The following NUF2 variants were observed in gnomAD, a reference collection of about 807,000 sequenced individuals.
NUF2 encodes the protein NUF2 component of NDC80 kinetochore complex.
In NUF2, 34 loss-of-function variants were observed where a neutral mutation model predicts 61.8. The ratio of observed to expected loss-of-function variants is 0.55; its 90% CI spans 0.42 to 0.73. NUF2 has a LOEUF of 0.73. Ranked by LOEUF, NUF2 falls within the 30% of genes least tolerant of loss-of-function variation. NUF2 has a pLI of 0.00. For missense variants in NUF2, 445 were observed against 539.1 expected (o/e 0.83, Z 1.73); for synonymous variants, 172 against 181.6 (o/e 0.95, Z 0.42).
intron 9 of NUF2, 51 bp downstream of exon 9, chr1:163,340,477 G>T (rs1282345432): frequency 7.4e-7 from 1 of 1,356,508 alleles, no homozygotes; most frequent in Admixed American, 1.8e-5. Flanking sequence ...ATATTGTGTG[G>T]AGGAGTATTT....
chr1:163,333,400 A>C (rs952957781), intron 5 of NUF2, among the ~76,000 whole-genome samples: 1 of 152,048 alleles, frequency 6.6e-6, no homozygotes, highest in African/African-American at 2.4e-5. Context: ...GACCATTTAC[A>C]TTTAATGTTA....
chr1:163,348,439 C>T (rs1651205529), intron 12 of NUF2, among the ~76,000 whole-genome samples: 1 of 152,240 alleles, frequency 6.6e-6, no homozygotes, highest in African/African-American at 2.4e-5. Flanking sequence ...TTTTAAAATA[C>T]CTGCCCCAGA....
intron 4 of NUF2, 86 bp from the exon 5 acceptor site, chr1:163,328,760 T>C: frequency 1.2e-6 from 1 of 849,494 alleles, no homozygotes; most frequent in East Asian, 2.5e-5. Flanking sequence ...GAAATCTCTT[T>C]CTGAAAATAA....
rs756971002 is a variant in NUF2 at position 163,340,400 on chromosome 1, A to G, written c.643A>G (p.Asn215Asp). 1.9e-6 allele frequency: 3 copies of G among 1,611,560 alleles called. No individual in the cohort carries two copies. Among genetic ancestry groups the G allele is most frequent in the South Asian group, 1.1e-5 (1 of 90,640 alleles). ...LQEGNSQKKS[N>D]ISEKTKRLNE... ...AGAGGGAAATTCCCAAAAGAAGTCA[A>G]ATATTTCAGAGAAAACCAAGCGTTT... The change falls in exon 9 of 14, where the codon AAT (asparagine) becomes GAT (aspartate). Residue 215 changes from asparagine to aspartate, a missense_variant. Asn to Asp is a conservative substitution (Grantham distance 23). Coordinates refer to ENST00000271452, the MANE Select transcript of NUF2 (RefSeq NM_145697.3).
chr1:163,343,629 T>A (rs907019656), intron 9 of NUF2, 104 bp from the exon 10 acceptor site: 4 of 474,624 alleles, frequency 8.4e-6, no homozygotes, highest in Non-Finnish European at 3.5e-6. Flanking sequence ...AATTTTACCC[T>A]CATTACAGAG....
At chr1:163,341,609 C>G (rs1190921767) in intron 9 of NUF2, among the ~76,000 whole-genome samples, 1 of 151,500 alleles carries the variant, frequency 6.6e-6, no homozygotes, top group African/African-American at 2.4e-5. Flanking sequence ...GTTTGTGTAC[C>G]TTGTTTATTT....
intron 13 of NUF2, among the ~76,000 whole-genome samples, chr1:163,353,891 T>A (rs761378214): frequency 1.7e-4 from 26 of 152,180 alleles, no homozygotes; most frequent in Non-Finnish European, 3.5e-4. Context: ...TTACTTGTTC[T>A]CGGAAGGAAA....
At chr1:163,338,206 A>G in intron 7 of NUF2, 113 bp downstream of exon 7, 1 of 666,046 alleles carries the variant, frequency 1.5e-6, no homozygotes, top group Non-Finnish European at 2.5e-6. Flanking sequence ...CTCCCTTAAT[A>G]AATAGCAGAG....
intron 6 of NUF2, 104 bp from the exon 7 acceptor site, chr1:163,337,916 A>G: frequency 1.2e-6 from 1 of 854,142 alleles, no homozygotes. Flanking sequence ...TCTATCTTAA[A>G]TTTTTTATTT....
chr1:163,329,779 G>T (rs1650538311), intron 5 of NUF2, among the ~76,000 whole-genome samples: 1 of 152,136 alleles, frequency 6.6e-6, no homozygotes, highest in Non-Finnish European at 1.5e-5. Context: ...GATGTTTAGA[G>T]CAACTTTATT....
chr1:163,324,900 C>CTTTTTTTTTTT (rs67548511), intron 1 of NUF2, among the ~76,000 whole-genome samples: 1 of 122,978 alleles, frequency 8.1e-6, no homozygotes, highest in Non-Finnish European at 1.7e-5. Flanking sequence ...TCTTTTCTTT[C>CTTTTTTTTTTT]TTTTTTTTTT....
At chr1:163,334,985 C>T (rs554728824) in intron 5 of NUF2, among the ~76,000 whole-genome samples, 28 of 152,054 alleles carry the variant, frequency 1.8e-4, no homozygotes, top group East Asian at 1.2e-3. Flanking sequence ...GATGGAGTCT[C>T]GCTCTGTCAC....
At chr1:163,339,533 G>A in intron 8 of NUF2, 56 bp downstream of exon 8, 1 of 1,013,764 alleles carries the variant, frequency 9.9e-7, no homozygotes, top group Non-Finnish European at 1.5e-6. Context: ...TGTAGATGTG[G>A]TGGGACATAT....
At chr1:163,355,108 C>A (rs762645484) in intron 13 of NUF2, among the ~76,000 whole-genome samples, 15 of 141,346 alleles carry the variant, frequency 1.1e-4, no homozygotes, top group Non-Finnish European at 1.8e-4. Context: ...ACCATTGTCT[C>A]ATGTCGCTCC....
intron 4 of NUF2, 173 bp downstream of exon 4, chr1:163,328,477 G>A: frequency 3.9e-6 from 2 of 515,140 alleles, no homozygotes; most frequent in Non-Finnish European, 6.8e-6. Flanking sequence ...AAACAGAACT[G>A]CCTCCAACTG....
intron 1 of NUF2, among the ~76,000 whole-genome samples, chr1:163,323,928 C>T (rs763928639): frequency 6.6e-6 from 1 of 152,018 alleles, no homozygotes; most frequent in Non-Finnish European, 1.5e-5. Context: ...TGATGCAAGA[C>T]GGTCATGATG....
At chr1:163,348,317 A>G (rs1242306057) in intron 12 of NUF2, among the ~76,000 whole-genome samples, 1 of 152,208 alleles carries the variant, frequency 6.6e-6, no homozygotes, top group African/African-American at 2.4e-5. Context: ...GTTTTGAGAA[A>G]AAGTCATATA....
intron 6 of NUF2, among the ~76,000 whole-genome samples, chr1:163,337,672 C>A (rs1215395447): frequency 2.0e-5 from 3 of 151,976 alleles, no homozygotes; most frequent in Non-Finnish European, 4.4e-5. Flanking sequence ...CAGCCATTAC[C>A]CAAGTTGGGT....
At chr1:163,351,448 G>A (rs926909786) in intron 13 of NUF2, among the ~76,000 whole-genome samples, 3 of 152,154 alleles carry the variant, frequency 2.0e-5, no homozygotes, top group African/African-American at 7.2e-5. Context: ...ATTTCAAAAT[G>A]TCAAGGTTAG....
Sources: allele counts gnomAD v4.1 joint callset (sites outside exome capture counted in the v4.1 genomes callset), GRCh38; gene constraint gnomAD v4.1.1; transcripts MANE v1.5; gene names NCBI Gene and HGNC (gene_info 2026-07-23, HGNC 2026-07-21).